The following KANSL1L variants were observed in gnomAD, a reference collection of about 807,000 sequenced individuals.
The protein encoded by KANSL1L is KAT8 regulatory NSL complex subunit 1-like protein.
A neutral mutation model predicts 108.6 loss-of-function variants in KANSL1L; 25 were observed. The ratio of observed to expected loss-of-function variants is 0.23; its 90% CI spans 0.17 to 0.32. The LOEUF is 0.32. Among genes scored for constraint, KANSL1L ranks in the 10% least tolerant of loss-of-function variants. The pLI is 1.00. For missense variants in KANSL1L, 1,137 were observed against 1,125.7 expected, an observed-to-expected ratio of 1.01 and a Z score of -0.14; for synonymous variants, 405 against 395.1, an observed-to-expected ratio of 1.03 and a Z score of -0.30.
At chr2:210,058,428 G>A (rs1018257246) in intron 6 of KANSL1L, among the ~76,000 whole-genome samples, 11 of 152,180 alleles carry the variant, frequency 7.2e-5, no homozygotes, top group East Asian at 1.9e-4. Flanking sequence ...CTGTGATCTC[G>A]CCCTGCCTCC....
chr2:210,060,974 C>G (rs906451415), intron 6 of KANSL1L, among the ~76,000 whole-genome samples: 1 of 152,144 alleles, frequency 6.6e-6, no homozygotes, highest in African/African-American at 2.4e-5. Context: ...ACTGCTACTC[C>G]CCACCCCCAA....
intron 6 of KANSL1L, among the ~76,000 whole-genome samples, chr2:210,048,435 AC>A (rs1370754312): frequency 6.6e-6 from 1 of 151,970 alleles, no homozygotes; most frequent in African/African-American, 2.4e-5. Context: ...CTCTGTCTAT[AC>A]CCTTTTTAAT....
chr2:210,061,620 A>G (rs913379669), intron 6 of KANSL1L, among the ~76,000 whole-genome samples: 2 of 152,244 alleles, frequency 1.3e-5, no homozygotes. Context: ...CTAAAGATAC[A>G]TCTATATTCT....
intron 3 of KANSL1L, among the ~76,000 whole-genome samples, chr2:210,112,346 T>C (rs911341151): frequency 6.6e-6 from 1 of 152,050 alleles, no homozygotes; most frequent in Non-Finnish European, 1.5e-5. Flanking sequence ...CAAGAACATC[T>C]TAAAGGTACC....
chr2:210,154,500 A>G lies in KANSL1L; in HGVS notation c.83T>C (p.Leu28Pro). The G allele has an allele frequency of 6.2e-7, 1 of 1,609,192 alleles. No homozygotes were observed. Among genetic ancestry groups the G allele is most frequent in the Non-Finnish European group, 8.5e-7 (1 of 1,177,514 alleles). Residue 28 changes from leucine to proline, a missense_variant, in exon 2 of 15, where the codon CTC becomes CCC. Leu to Pro is a moderately conservative substitution (Grantham distance 98). Transcript: ENST00000281772. ...TACAGTTCTGGGACTTTCCATGTAG[A>G]GCATCTTGTCAGACTCCATGGTACT... ...LPSTMESDKMLYMESPRTVDE... is the reference protein window; with the variant it reads ...LPSTMESDKMPYMESPRTVDE...
intron 14 of KANSL1L, among the ~76,000 whole-genome samples, chr2:210,023,817 T>C (rs1347180165): frequency 1.3e-5 from 2 of 152,220 alleles, no homozygotes; most frequent in South Asian, 4.1e-4. Flanking sequence ...CACTCTCTAA[T>C]AGATAAATAA....
At chr2:210,025,441 A>G (rs1306622063) in intron 12 of KANSL1L, among the ~76,000 whole-genome samples, 1 of 152,198 alleles carries the variant, frequency 6.6e-6, no homozygotes, top group Non-Finnish European at 1.5e-5. Context: ...CTGTAATCAC[A>G]GCTACTCGGG....
chr2:210,169,529 A>G (rs891225667), intron 1 of KANSL1L, among the ~76,000 whole-genome samples: 2 of 152,224 alleles, frequency 1.3e-5, no homozygotes, highest in South Asian at 4.1e-4. Flanking sequence ...ACTTTATAAT[A>G]ATAAGATTTA....
Position 210,022,857 on chromosome 2 carries a change from C to A in KANSL1L, c.*92G>T. Reference sequence around the variant, plus strand: ...AAAAGATTAATACATGCAGAACATGCTCTTATTCTGGAGGGGATGGGGGAT... The same window carrying A: ...AAAAGATTAATACATGCAGAACATGATCTTATTCTGGAGGGGATGGGGGAT... On this transcript the variant is annotated 3_prime_UTR_variant, in exon 15 of 15. Transcript: ENST00000281772. 2.4e-6 allele frequency: 2 copies of A among 826,806 alleles called. No homozygotes were observed. Among genetic ancestry groups the A allele is most frequent in the Non-Finnish European group, 4.0e-6 (2 of 505,538 alleles). The allele number at this position is 826,806 out of a possible 1,614,324, so 51.2% of individuals were successfully genotyped here. A position where few individuals can be genotyped will look rare whatever the true frequency, so the allele number is the denominator to read the frequency against.
chr2:210,097,126 G>A (rs545396385), intron 5 of KANSL1L: 1 of 352,358 alleles, frequency 2.8e-6, no homozygotes, highest in African/African-American at 2.2e-5. Context: ...TGTATTTTTA[G>A]TAGAGACGGG....
chr2:210,079,664 A>G (rs1205493293), intron 5 of KANSL1L: 5 of 10,086 alleles, frequency 5.0e-4, no homozygotes, highest in Admixed American at 2.0e-3. Flanking sequence ...ATATATATAT[A>G]TGTATGTGTG....
intron 1 of KANSL1L, among the ~76,000 whole-genome samples, chr2:210,161,308 G>C (rs548405441): frequency 1.3e-5 from 2 of 152,078 alleles, no homozygotes; most frequent in Admixed American, 1.3e-4. Flanking sequence ...GACAAAGATA[G>C]CAAGGCAATT....
intron 14 of KANSL1L, 112 bp from the exon 15 acceptor site, chr2:210,023,291 C>T: frequency 1.4e-6 from 1 of 710,274 alleles, no homozygotes; most frequent in Non-Finnish European, 2.4e-6. Context: ...TTCTTTAGCA[C>T]ATAAATGTAC....
At chr2:210,166,001 C>T (rs1189352556) in intron 1 of KANSL1L, among the ~76,000 whole-genome samples, 1 of 152,078 alleles carries the variant, frequency 6.6e-6, no homozygotes, top group African/African-American at 2.4e-5. Flanking sequence ...TCAACTTGAT[C>T]ATATGTATGT....
Position 210,099,492 on chromosome 2 carries a change from T to C in KANSL1L, c.1429-1285A>G, listed in dbSNP as rs533996235. 1.8e-4 allele frequency among the ~76,000 whole-genome samples: 27 copies of C among 152,326 alleles called. 1 individual carries two copies. The highest frequency in any genetic ancestry group is 8.3e-4 in the South Asian group (4 of 4,830). On this transcript the variant is annotated intron_variant, in intron 4 of 14. Coordinates refer to ENST00000281772, the MANE Select transcript of KANSL1L (RefSeq NM_152519.4). ...ATGTTTTCACCATTTATTTTGAAGA[T>C]AGTATGCACCTAATGATGTCATTTT...
intron 6 of KANSL1L, among the ~76,000 whole-genome samples, chr2:210,054,877 G>T (rs1251925244): frequency 6.6e-6 from 1 of 152,144 alleles, no homozygotes; most frequent in Non-Finnish European, 1.5e-5. Context: ...TAGACAACAT[G>T]TTCCTAGATA....
chr2:210,118,430 T>C (rs1333882137), intron 3 of KANSL1L, among the ~76,000 whole-genome samples: 7 of 146,104 alleles, frequency 4.8e-5, no homozygotes, highest in South Asian at 2.1e-4. Flanking sequence ...GATCGCACCA[T>C]TGCACTCCAG....
intron 2 of KANSL1L, 25 bp from the exon 3 acceptor site, chr2:210,129,197 C>T: frequency 1.3e-6 from 2 of 1,570,790 alleles, no homozygotes; most frequent in Non-Finnish European, 1.7e-6. Context: ...AACACTGTTA[C>T]TCAAAGCACA....
At chr2:210,037,641 C>G (rs537640027) in intron 8 of KANSL1L, among the ~76,000 whole-genome samples, 3 of 152,132 alleles carry the variant, frequency 2.0e-5, no homozygotes, top group Non-Finnish European at 4.4e-5. Context: ...TCCGTCTCAG[C>G]AGTGAACAAC....
Sources: gnomAD v4.1 joint callset for allele counts (sites outside exome capture counted in the v4.1 genomes callset) on GRCh38, gnomAD v4.1.1 for gene constraint, MANE v1.5 for transcripts, NCBI Gene and HGNC (gene_info 2026-07-23, HGNC 2026-07-21) for gene names.